Variants in NRIP1 observed in about 807,000 individuals in gnomAD.
NRIP1 encodes nuclear receptor interacting protein 1, also known as nuclear receptor-interacting protein 1.
A neutral mutation model predicts 75.0 loss-of-function variants in NRIP1; 28 were observed. The observed-to-expected ratio is 0.37, with a 90% CI of 0.28 to 0.51. NRIP1 has a LOEUF of 0.51. Among genes scored for constraint, NRIP1 ranks in the 20% least tolerant of loss-of-function variants. The pLI is 0.92. For missense variants in NRIP1, 1,435 were observed against 1,343.7 expected, an observed-to-expected ratio of 1.07 and a Z score of -1.06; for synonymous variants, 526 against 487.6, an observed-to-expected ratio of 1.08 and a Z score of -1.04.
intron 1 of NRIP1, among the ~76,000 whole-genome samples, chr21:15,059,245 G>T (rs958968985): frequency 6.6e-6 from 1 of 152,132 alleles, no homozygotes; most frequent in Non-Finnish European, 1.5e-5. Context: ...ACAGTGACTT[G>T]GAATTTAAGA....
chr21:15,038,853 T>C (rs2088892123), intron 2 of NRIP1, among the ~76,000 whole-genome samples: 1 of 152,140 alleles, frequency 6.6e-6, no homozygotes, highest in Non-Finnish European at 1.5e-5. Flanking sequence ...ATGTCCTCCT[T>C]CTAGATGCTC....
intron 3 of NRIP1, among the ~76,000 whole-genome samples, chr21:14,983,510 A>T (rs1268406897): frequency 2.6e-5 from 4 of 152,256 alleles, no homozygotes; most frequent in African/African-American, 7.2e-5. Context: ...AGAAAAGCTC[A>T]GCAAGAAAAG....
chr21:15,007,399 G>C (rs1252085877), intron 3 of NRIP1, among the ~76,000 whole-genome samples: 1 of 152,138 alleles, frequency 6.6e-6, no homozygotes, highest in Non-Finnish European at 1.5e-5. Context: ...ATAAGATAGG[G>C]TGTTATTTCA....
At chr21:15,057,222 A>G (rs1430196508) in intron 1 of NRIP1, among the ~76,000 whole-genome samples, 1 of 152,226 alleles carries the variant, frequency 6.6e-6, no homozygotes, top group Non-Finnish European at 1.5e-5. Context: ...TAACTTTTCA[A>G]CCAGGAAGAG....
intron 2 of NRIP1, among the ~76,000 whole-genome samples, 199 bp from the exon 3 acceptor site, chr21:15,014,665 A>G (rs148314880): frequency 6.6e-6 from 1 of 152,362 alleles, no homozygotes; most frequent in African/African-American, 2.4e-5. Context: ...CTAGGTAATA[A>G]TCGATAAAAG....
chr21:14,972,142 T>C (rs542775912), intron 3 of NRIP1, among the ~76,000 whole-genome samples: 1 of 152,102 alleles, frequency 6.6e-6, no homozygotes, highest in Non-Finnish European at 1.5e-5. Context: ...CAGGAATTCT[T>C]ACACCCCTTA....
chr21:15,021,446 T>G (rs1301077478), intron 2 of NRIP1, among the ~76,000 whole-genome samples: 1 of 152,156 alleles, frequency 6.6e-6, no homozygotes, highest in Non-Finnish European at 1.5e-5. Flanking sequence ...AAAGACTCTG[T>G]GAAGACATGA....
At chr21:15,019,635 T>A (rs751328824) in intron 2 of NRIP1, among the ~76,000 whole-genome samples, 3 of 151,626 alleles carry the variant, frequency 2.0e-5, no homozygotes, top group African/African-American at 7.3e-5. Context: ...ATTACAGGCA[T>A]GCACCACCAT....
intron 3 of NRIP1, among the ~76,000 whole-genome samples, chr21:14,968,949 T>C (rs1276049775): frequency 2.6e-5 from 4 of 152,148 alleles, no homozygotes; most frequent in African/African-American, 9.6e-5. Flanking sequence ...CAAAAGTAGA[T>C]GTGCAGAAAA....
At chr21:15,058,598 CT>C (rs879621927) in intron 1 of NRIP1, among the ~76,000 whole-genome samples, 2 of 152,208 alleles carry the variant, frequency 1.3e-5, no homozygotes, top group South Asian at 4.1e-4. Context: ...GAGAGAAGTC[CT>C]TTTTTCATTC....
In NRIP1 at chr21:14,962,204, T is replaced by A. The variant is rs1256302692; in HGVS notation, c.*2512A>T. ...ATCTAAAATAGTCCTTGAAAATGTG[T>A]ATATGTGCATCCTTGTATCTACATA... On this transcript the variant is annotated 3_prime_UTR_variant, in exon 4 of 4. Transcript: ENST00000318948. 6.6e-6 allele frequency: 1 copy of A among 151,738 alleles called. No homozygotes were observed. The highest frequency in any genetic ancestry group is 1.5e-5 in the Non-Finnish European group (1 of 67,840). The allele number at this position is 151,738 out of a possible 1,614,324, so 9.4% of individuals were successfully genotyped here. A position where few individuals can be genotyped will look rare whatever the true frequency, so the allele number is the denominator to read the frequency against.
At chr21:15,052,799 TAAAG>T (rs1481232464) in intron 1 of NRIP1, among the ~76,000 whole-genome samples, 3 of 152,184 alleles carry the variant, frequency 2.0e-5, no homozygotes, top group Non-Finnish European at 4.4e-5. Flanking sequence ...ATGCTATCAT[TAAAG>T]ATAGTTTTAC....
In NRIP1 at chr21:14,965,337, G is replaced by C. The variant is rs1410025487; in HGVS notation, c.2856C>G (p.His952Gln). Residue 952 changes from histidine to glutamine, a missense_variant, in exon 4 of 4, where the codon CAC (histidine) becomes CAG (glutamine). His to Gln is a conservative substitution (Grantham distance 24, BLOSUM62 0). Transcript: ENST00000318948. The stretch of plus-strand genomic sequence containing the variant: ...TACTGTCAGCCACAGAGTTACTTCT[G>C]TGCGGGGACAAATCTCGCACACAGT... ...SENCVRDLSP[H>Q]RSNSVADSKK... 2.5e-6 allele frequency: 4 copies of C among 1,614,020 alleles called. No homozygotes were observed. The South Asian group carries it at 4.4e-5, about 18-fold the overall frequency.
chr21:15,028,374 G>A (rs1189284470), intron 2 of NRIP1, among the ~76,000 whole-genome samples: 1 of 152,148 alleles, frequency 6.6e-6, no homozygotes, highest in Non-Finnish European at 1.5e-5. Flanking sequence ...ATTAACTACA[G>A]GCTACACAAT....
At chr21:15,026,020 T>G (rs778134711) in intron 2 of NRIP1, among the ~76,000 whole-genome samples, 1 of 152,204 alleles carries the variant, frequency 6.6e-6, no homozygotes, top group Non-Finnish European at 1.5e-5. Context: ...TGATGATCAA[T>G]GATTTTGATG....
intron 3 of NRIP1, among the ~76,000 whole-genome samples, chr21:14,987,741 C>A (rs1344774465): frequency 6.6e-6 from 1 of 152,308 alleles, no homozygotes; most frequent in East Asian, 1.9e-4. Flanking sequence ...GCCATACTCA[C>A]CCTTCCTCGA....
chr21:15,040,452 T>C (rs1242594831), intron 2 of NRIP1, among the ~76,000 whole-genome samples: 1 of 152,046 alleles, frequency 6.6e-6, no homozygotes, highest in Non-Finnish European at 1.5e-5. Context: ...ACTTATATGC[T>C]AGAATGAATA....
chr21:15,013,078 C>G (rs183331886), intron 3 of NRIP1, among the ~76,000 whole-genome samples: 1 of 151,922 alleles, frequency 6.6e-6, no homozygotes, highest in African/African-American at 2.4e-5. Flanking sequence ...AGACTGCCAA[C>G]CAGTGATTAA....
At chr21:15,036,006 T>C (rs772413363) in intron 2 of NRIP1, among the ~76,000 whole-genome samples, 10 of 152,228 alleles carry the variant, frequency 6.6e-5, no homozygotes, top group Non-Finnish European at 1.3e-4. Context: ...TCACTATTAA[T>C]ACAAACTGCA....
Sources: gnomAD v4.1 joint callset for allele counts (sites outside exome capture counted in the v4.1 genomes callset) on GRCh38, gnomAD v4.1.1 for gene constraint, MANE v1.5 for transcripts, NCBI Gene and HGNC (gene_info 2026-07-23, HGNC 2026-07-21) for gene names.